The following CDADC1 variants were observed in gnomAD, a reference collection of about 807,000 sequenced individuals.
The protein encoded by CDADC1 is cytidine and dCMP deaminase domain containing 1, also known as dCTP deaminase.
Under a neutral mutation model 54.9 loss-of-function variants are expected in CDADC1, and 39 were observed. That is an observed-to-expected ratio of 0.71 (90% CI 0.55 to 0.93). The LOEUF (loss-of-function observed/expected upper bound fraction) is 0.93, where lower values mean the gene tolerates loss of function less well. Ranked by LOEUF, CDADC1 falls within the 40% of genes least tolerant of loss-of-function variation. CDADC1 has a pLI of 0.00. For synonymous variants in CDADC1, 186 were observed against 204.0 expected, an observed-to-expected ratio of 0.91 and a Z score of 0.75; for missense variants, 518 against 618.8, an observed-to-expected ratio of 0.84 and a Z score of 1.73.
intron 3 of CDADC1, among the ~76,000 whole-genome samples, chr13:49,257,428 G>A (rs987234057): frequency 1.3e-5 from 2 of 152,118 alleles, no homozygotes; most frequent in Admixed American, 1.3e-4. Flanking sequence ...TTTAACAATA[G>A]GAGCTCTGTC....
chr13:49,283,397 C>G (rs1161471404), intron 8 of CDADC1, among the ~76,000 whole-genome samples: 1 of 152,014 alleles, frequency 6.6e-6, no homozygotes, highest in Non-Finnish European at 1.5e-5. Flanking sequence ...TTTTGTAAAA[C>G]TCAATAAAAG....
intron 3 of CDADC1, among the ~76,000 whole-genome samples, chr13:49,256,697 C>T (rs1057376431): frequency 2.6e-5 from 4 of 152,046 alleles, no homozygotes; most frequent in African/African-American, 7.2e-5. Flanking sequence ...CCAGAGGTTC[C>T]GATTCATTGG....
rs1329172318 is a variant in CDADC1, at chr13:49,267,584, A to G, written c.525A>G (p.Lys175=). 1 of 1,614,182 alleles carries G rather than the reference A, an allele frequency of 6.2e-7. No homozygotes were observed. The highest frequency in any genetic ancestry group is 8.5e-7 in the Non-Finnish European group (1 of 1,180,026). ...CTGAAGATGCAAAGTTAGATGCCAA[A>G]GCAGTGGAAAGATTGAAGTCAAACA... ...SSSEDAKLDA[K]AVERLKSNSR... is the part of the protein sequence containing the mutation. Residue 175 remains lysine, a synonymous_variant, in exon 5 of 10, where the codon AAA becomes AAG. Transcript: ENST00000251108.
At chr13:49,272,357 T>G (rs1952989042) in intron 5 of CDADC1, among the ~76,000 whole-genome samples, 1 of 152,218 alleles carries the variant, frequency 6.6e-6, no homozygotes, top group Non-Finnish European at 1.5e-5. Context: ...TGCCCACTCA[T>G]GTTAAACTCT....
chr13:49,267,927 G>A lies in CDADC1; in HGVS notation c.868G>A (p.Val290Met). Residue 290 changes from valine (V) to methionine (M), a missense_variant, in exon 5 of 10, where the codon GTG (valine) becomes ATG (methionine). Coordinates refer to ENST00000251108, the MANE Select transcript of CDADC1 (RefSeq NM_030911.4). ...ACTTTTGGCCACAGTAGCTTCCAGTGTGCCGAACTTTAAACACTTCGGATT... is the reference window on the plus strand; with the variant it reads ...ACTTTTGGCCACAGTAGCTTCCAGTATGCCGAACTTTAAACACTTCGGATT... ...ILLLATVASS[V>M]PNFKHFGFYR... is the part of the protein sequence containing the mutation. 6.2e-7 allele frequency: 1 copy of A among 1,614,138 alleles called. No individual in the cohort carries two copies. Among genetic ancestry groups the A allele is most frequent in the South Asian group, 1.1e-5 (1 of 91,084 alleles).
At chr13:49,250,248 C>G (rs933556588) in intron 2 of CDADC1, among the ~76,000 whole-genome samples, 4 of 152,218 alleles carry the variant, frequency 2.6e-5, no homozygotes, top group Non-Finnish European at 5.9e-5. Flanking sequence ...CTTAAATTCC[C>G]ACAGTACTCT....
chr13:49,258,554 A>G (rs528852569), intron 3 of CDADC1, among the ~76,000 whole-genome samples: 1 of 152,342 alleles, frequency 6.6e-6, no homozygotes, highest in South Asian at 2.1e-4. Flanking sequence ...AAAGAGATCC[A>G]CTGGAAGTGC....
At chr13:49,281,737 CACAA>C (rs748136739) in intron 8 of CDADC1, among the ~76,000 whole-genome samples, 3 of 152,290 alleles carry the variant, frequency 2.0e-5, no homozygotes, top group South Asian at 2.1e-4. Context: ...GGTGCACACA[CACAA>C]ACACACACAT....
chr13:49,287,740 G>A (rs1445153932), intron 9 of CDADC1, among the ~76,000 whole-genome samples: 1 of 152,164 alleles, frequency 6.6e-6, no homozygotes. Flanking sequence ...GGAAGGCTGA[G>A]GTGGGTGAAT....
intron 2 of CDADC1, among the ~76,000 whole-genome samples, chr13:49,250,856 G>A (rs1014396420): frequency 1.3e-5 from 2 of 152,028 alleles, no homozygotes; most frequent in South Asian, 2.1e-4. Context: ...ATTATACATC[G>A]TTATTCCATA....
At chr13:49,261,649 C>G (rs1952690248) in intron 4 of CDADC1, among the ~76,000 whole-genome samples, 1 of 152,170 alleles carries the variant, frequency 6.6e-6, no homozygotes, top group South Asian at 2.1e-4. Context: ...GACATTGATA[C>G]AGAAATGAAA....
At chr13:49,286,460 A>G (rs1216490984) in intron 9 of CDADC1, among the ~76,000 whole-genome samples, 178 bp downstream of exon 9, 2 of 152,212 alleles carry the variant, frequency 1.3e-5, no homozygotes, top group Non-Finnish European at 2.9e-5. Flanking sequence ...GCTAGGTGCT[A>G]TGGAAAGTGC....
At chr13:49,291,614 G>A (rs910020992) in intron 9 of CDADC1, 70 bp from the exon 10 acceptor site, 44 of 1,486,356 alleles carry the variant, frequency 3.0e-5, no homozygotes, top group Non-Finnish European at 6.4e-6. Context: ...CTTACAACAT[G>A]TAAGGCTGAA....
intron 5 of CDADC1, 81 bp from the exon 6 acceptor site, chr13:49,274,209 GT>G: frequency 1.9e-6 from 2 of 1,069,972 alleles, no homozygotes; most frequent in South Asian, 2.9e-5. Flanking sequence ...TTCAATACAA[GT>G]TTTTATTACT....
At chr13:49,286,653 T>C (rs997543786) in intron 9 of CDADC1, among the ~76,000 whole-genome samples, 1 of 152,174 alleles carries the variant, frequency 6.6e-6, no homozygotes, top group African/African-American at 2.4e-5. Flanking sequence ...TGGGACCAAA[T>C]GATGAGGATA....
At chr13:49,280,805 A>AATT (rs10626538) in intron 8 of CDADC1, 107 bp downstream of exon 8, 8,728 of 228,192 alleles carry the variant, frequency 0.038, 396 homozygotes, top group African/African-American at 0.12. Context: ...AGTTTCAACA[A>AATT]ATTATTATTA....
intron 6 of CDADC1, among the ~76,000 whole-genome samples, chr13:49,275,037 A>G (rs1296545854): frequency 6.6e-6 from 1 of 152,104 alleles, no homozygotes; most frequent in Non-Finnish European, 1.5e-5. Flanking sequence ...CTTCAGACAG[A>G]GCAAGTCAAT....
intron 2 of CDADC1, among the ~76,000 whole-genome samples, chr13:49,252,210 C>T (rs1210941219): frequency 2.6e-5 from 4 of 152,134 alleles, no homozygotes; most frequent in African/African-American, 9.7e-5. Flanking sequence ...AGCTGTGCTC[C>T]CATACCCATG....
At chr13:49,256,636 T>C (rs1952555207) in intron 3 of CDADC1, among the ~76,000 whole-genome samples, 1 of 152,254 alleles carries the variant, frequency 6.6e-6, no homozygotes, top group South Asian at 2.1e-4. Flanking sequence ...TGAACCTTGT[T>C]CTTTTTAATA....
Sources: gnomAD v4.1 joint callset for allele counts (sites outside exome capture counted in the v4.1 genomes callset) on GRCh38, gnomAD v4.1.1 for gene constraint, MANE v1.5 for transcripts, NCBI Gene and HGNC (gene_info 2026-07-23, HGNC 2026-07-21) for gene names.